FBXL17: variants seen among roughly 807,000 people sequenced by gnomAD.
The protein encoded by FBXL17 is F-box and leucine rich repeat protein 17.
In FBXL17, 22 loss-of-function variants were observed where a neutral mutation model predicts 66.2. The ratio of observed to expected loss-of-function variants is 0.33; its 90% CI spans 0.24 to 0.47. FBXL17 has a LOEUF of 0.47. FBXL17 is among the 20% of genes least tolerant of loss of function. The pLI is 1.00. For missense variants in FBXL17, 878 were observed against 948.2 expected (o/e 0.93, Z 0.97); for synonymous variants, 474 against 400.5 (o/e 1.18, Z -2.19).
chr5:108,271,055 G>T (rs1757247137), intron 4 of FBXL17, among the ~76,000 whole-genome samples: 1 of 147,578 alleles, frequency 6.8e-6, no homozygotes, highest in African/African-American at 2.5e-5. Context: ...TGGAAATGAT[G>T]AAGACAAATG....
chr5:108,336,950 CTCTT>C (rs1305757923), intron 4 of FBXL17, among the ~76,000 whole-genome samples: 1 of 151,904 alleles, frequency 6.6e-6, no homozygotes, highest in East Asian at 1.9e-4. Flanking sequence ...TTAAAAGAAA[CTCTT>C]TCTTCCTTAT....
intron 7 of FBXL17, among the ~76,000 whole-genome samples, chr5:107,993,992 T>C (rs932643643): frequency 2.6e-4 from 40 of 152,194 alleles, no homozygotes; most frequent in Admixed American, 1.3e-4. Context: ...AAGTTAGAAT[T>C]AGCTGATAAG....
chr5:107,888,062 A>G (rs185055311), intron 7 of FBXL17, among the ~76,000 whole-genome samples: 302 of 152,340 alleles, frequency 2.0e-3, no homozygotes, highest in African/African-American at 7.0e-3. Flanking sequence ...CCATTTTTAT[A>G]CATTATTATA....
At chr5:107,931,257 ATTT>A (rs59275945) in intron 7 of FBXL17, among the ~76,000 whole-genome samples, 2 of 113,726 alleles carry the variant, frequency 1.8e-5, no homozygotes, top group Non-Finnish European at 1.9e-5. Context: ...GTTAAAGAGA[ATTT>A]TTTTTTTTTT....
intron 7 of FBXL17, among the ~76,000 whole-genome samples, chr5:108,018,533 T>C (rs906600108): frequency 6.6e-6 from 1 of 152,170 alleles, no homozygotes; most frequent in African/African-American, 2.4e-5. Context: ...GCTATTGTAG[T>C]ACGATCTCAT....
At chr5:108,014,951 T>G (rs1754324137) in intron 7 of FBXL17, among the ~76,000 whole-genome samples, 1 of 152,080 alleles carries the variant, frequency 6.6e-6, no homozygotes, top group South Asian at 2.1e-4. Context: ...TGAGACTTAT[T>G]CACTACCGCC....
intron 4 of FBXL17, among the ~76,000 whole-genome samples, chr5:108,272,889 A>G (rs897015770): frequency 2.6e-5 from 4 of 152,224 alleles, no homozygotes; most frequent in Non-Finnish European, 5.9e-5. Flanking sequence ...ACCATAGTTA[A>G]TAACTATCAG....
intron 5 of FBXL17, among the ~76,000 whole-genome samples, chr5:108,194,006 C>T (rs767649231): frequency 6.6e-6 from 1 of 152,094 alleles, no homozygotes; most frequent in African/African-American, 2.4e-5. Context: ...CTTTTTGCCA[C>T]ATCACTAGCC....
At chr5:107,896,878 C>T (rs1378771494) in intron 7 of FBXL17, among the ~76,000 whole-genome samples, 3 of 151,794 alleles carry the variant, frequency 2.0e-5, no homozygotes, top group Non-Finnish European at 2.9e-5. Flanking sequence ...AAATACTACA[C>T]ATTTTTATCT....
chr5:107,943,532 T>C (rs1242985358), intron 7 of FBXL17, among the ~76,000 whole-genome samples: 1 of 143,212 alleles, frequency 7.0e-6, no homozygotes, highest in Non-Finnish European at 1.5e-5. Context: ...TCATAGTCTT[T>C]GTTTAGAACC....
chr5:108,291,294 AG>A (rs1466883965), intron 4 of FBXL17, among the ~76,000 whole-genome samples: 1 of 152,208 alleles, frequency 6.6e-6, no homozygotes, highest in African/African-American at 2.4e-5. Context: ...TAGTTCACCT[AG>A]CTGAGTTGGA....
chr5:108,275,103 C>T (rs74324768), intron 4 of FBXL17, among the ~76,000 whole-genome samples: 2,369 of 152,288 alleles, frequency 0.016, 72 homozygotes, highest in African/African-American at 0.053. Context: ...TTTATACACA[C>T]ATATTTAATC....
rs150585445 is a variant in FBXL17 at position 107,862,559 on chromosome 5, T to C, written c.1966-699A>G. Among the ~76,000 whole-genome samples the C allele has an allele frequency of 2.8e-3, 423 of 152,334 alleles. 5 individuals carry two copies. The highest frequency in any genetic ancestry group is 9.9e-3 in the African/African-American group (410 of 41,578). On this transcript the variant is annotated intron_variant, in intron 8 of 8. Transcript: ENST00000542267. ...AATTTGTCAATTATTTTTAAGATGA[T>C]TGCAGTTCATATCACAGAAGTAGAC...
chr5:108,152,058 C>T (rs1045750092), intron 6 of FBXL17, among the ~76,000 whole-genome samples: 1 of 152,006 alleles, frequency 6.6e-6, no homozygotes, highest in Non-Finnish European at 1.5e-5. Flanking sequence ...CGCTGGTGAA[C>T]CTGAATACAT....
intron 4 of FBXL17, among the ~76,000 whole-genome samples, chr5:108,302,460 T>C (rs1326280673): frequency 9.2e-5 from 14 of 151,808 alleles, no homozygotes; most frequent in African/African-American, 3.1e-4. Flanking sequence ...AAATAATCAC[T>C]TTTAAGAATT....
intron 6 of FBXL17, among the ~76,000 whole-genome samples, chr5:108,172,285 G>C (rs139039145): frequency 6.6e-6 from 1 of 152,152 alleles, no homozygotes; most frequent in Non-Finnish European, 1.5e-5. Flanking sequence ...GCTTCTTGAA[G>C]CCAAAGCTCA....
Position 107,881,169 on chromosome 5 carries a change from G to A in FBXL17, c.1833C>T (p.Ala611=), listed in dbSNP as rs1748778256. The A allele has an allele frequency of 2.5e-6, 4 of 1,604,702 alleles. No individual in the cohort carries two copies. The highest frequency in any genetic ancestry group is 3.4e-6 in the Non-Finnish European group (4 of 1,173,804). ...SCKITDYALI[A]IGRYSMTIET... is the part of the protein sequence containing the mutation. ...CTATTGTCATGCTGTATCGCCCAAT[G>A]GCTATCAGTGCTGCAAGAAGGGACG... is the stretch of plus-strand genomic sequence containing the variant. Residue 611 remains alanine (A), a synonymous_variant, in exon 8 of 9, where the codon GCC becomes GCT. Coordinates refer to ENST00000542267, the MANE Select transcript of FBXL17 (RefSeq NM_001163315.3).
rs148759508 is a variant in FBXL17, at chr5:108,138,355, T to G, written c.1745+47762A>C. ...TTGCATTATCCATAGAATTTAAGCA[T>G]GGAGAATTTAAAACTCTCTCTCTTT... On this transcript the variant is annotated intron_variant, in intron 6 of 8. Transcript: ENST00000542267. 5.4e-4 allele frequency among the ~76,000 whole-genome samples: 82 copies of G among 152,356 alleles called. 2 individuals are homozygous for G. In the Middle Eastern group the frequency reaches 0.014, roughly 25 times the overall value.
intron 6 of FBXL17, among the ~76,000 whole-genome samples, chr5:108,146,737 C>A (rs1165989510): frequency 7.2e-5 from 11 of 152,114 alleles, no homozygotes; most frequent in Admixed American, 7.2e-4. Context: ...GAGAAACATT[C>A]AGAGAAGCTG....
Sources: allele counts gnomAD v4.1 joint callset (sites outside exome capture counted in the v4.1 genomes callset), GRCh38; gene constraint gnomAD v4.1.1; transcripts MANE v1.5; gene names NCBI Gene and HGNC (gene_info 2026-07-23, HGNC 2026-07-21).